ROBO1: variants seen among roughly 807,000 people sequenced by gnomAD.
ROBO1 encodes the protein roundabout homolog 1.
A neutral mutation model predicts 195.9 loss-of-function variants in ROBO1; 149 were observed. The ratio of observed to expected loss-of-function variants is 0.76; its 90% CI spans 0.67 to 0.87. The LOEUF is 0.87. Among genes scored for constraint, ROBO1 ranks in the 40% least tolerant of loss-of-function variants. ROBO1 has a pLI of 0.00. For synonymous variants in ROBO1, 816 were observed against 733.2 expected, an observed-to-expected ratio of 1.11 and a Z score of -1.82; for missense variants, 1,933 against 2,068.3, an observed-to-expected ratio of 0.93 and a Z score of 1.27.
chr3:78,719,945 A>C (rs931869782), intron 5 of ROBO1, among the ~76,000 whole-genome samples: 6 of 152,150 alleles, frequency 3.9e-5, no homozygotes, highest in African/African-American at 1.2e-4. Flanking sequence ...TGTTTCATAA[A>C]GTCATTTTAA....
chr3:78,703,079 C>T lies in ROBO1; in HGVS notation c.1045+11318G>A, dbSNP rs144300341. 8.0e-3 allele frequency among the ~76,000 whole-genome samples: 1,222 copies of T among 152,064 alleles called. 6 individuals are homozygous for T. The highest frequency in any genetic ancestry group is 0.011 in the Non-Finnish European group (748 of 67,956). ...CTGAAAGCAACCCCAAATCTTTTTT[C>T]GTCGATGAAAGAAATCTAAGAGAAT... On this transcript the variant is annotated intron_variant, in intron 8 of 30. Coordinates refer to ENST00000464233, the MANE Select transcript of ROBO1 (RefSeq NM_002941.4).
chr3:78,861,325 T>C (rs1016363774), intron 4 of ROBO1, among the ~76,000 whole-genome samples: 7 of 152,164 alleles, frequency 4.6e-5, no homozygotes, highest in Non-Finnish European at 7.3e-5. Flanking sequence ...TATAACATAA[T>C]TGCCTCTTTC....
chr3:78,769,617 G>GTTTTTTTTT (rs1559836189), intron 4 of ROBO1, among the ~76,000 whole-genome samples: 2 of 72,940 alleles, frequency 2.7e-5, no homozygotes, highest in African/African-American at 9.2e-5. Flanking sequence ...AGTGTACTTT[G>GTTTTTTTTT]GTTTTTTTTT....
intron 4 of ROBO1, among the ~76,000 whole-genome samples, chr3:78,887,860 TCAG>T (rs2036655329): frequency 6.6e-6 from 1 of 152,130 alleles, no homozygotes; most frequent in South Asian, 2.1e-4. Context: ...GAATCCTGCT[TCAG>T]CAGTTGTGGT....
intron 4 of ROBO1, among the ~76,000 whole-genome samples, chr3:78,796,814 G>A (rs559230499): frequency 6.6e-6 from 1 of 152,200 alleles, no homozygotes; most frequent in African/African-American, 2.4e-5. Context: ...TCTGCAACAT[G>A]AGTGTTCTGT....
At chr3:78,942,567 G>A (rs1274877452) in intron 3 of ROBO1, among the ~76,000 whole-genome samples, 2 of 152,086 alleles carry the variant, frequency 1.3e-5, no homozygotes, top group Non-Finnish European at 2.9e-5. Context: ...AGGAAGAAGG[G>A]CAAGGAGATA....
chr3:79,604,681 A>T (rs1440183056), intron 1 of ROBO1, among the ~76,000 whole-genome samples: 4 of 151,992 alleles, frequency 2.6e-5, no homozygotes, highest in Admixed American at 6.6e-5. Context: ...ATTGCTTTCT[A>T]CATTCTTTGT....
rs556240280 is a variant in ROBO1 at position 79,182,586 on chromosome 3, C to T, written c.89-57047G>A. Among the ~76,000 whole-genome samples the T allele has an allele frequency of 2.7e-4, 41 of 150,206 alleles. No individual in the cohort carries two copies. The East Asian group carries it at 6.5e-3, about 24-fold the overall frequency. Reference sequence around the variant, plus strand: ...GTGTGTGTGTGCGTGCGTGCATGCACGCACTGGAGTGGGGATGGGTAGGAG... The same window carrying T: ...GTGTGTGTGTGCGTGCGTGCATGCATGCACTGGAGTGGGGATGGGTAGGAG... On this transcript the variant is annotated intron_variant, in intron 2 of 30. Transcript: ENST00000464233.
At chr3:79,341,468 T>A (rs1411964018) in intron 2 of ROBO1, among the ~76,000 whole-genome samples, 1 of 152,130 alleles carries the variant, frequency 6.6e-6, no homozygotes, top group Non-Finnish European at 1.5e-5. Context: ...CCTATCTTTT[T>A]TCTATTCACT....
chr3:79,004,995 G>A (rs2077588312), intron 3 of ROBO1, among the ~76,000 whole-genome samples: 1 of 152,158 alleles, frequency 6.6e-6, no homozygotes, highest in African/African-American at 2.4e-5. Context: ...TCTTCTAAAG[G>A]CTGCAGTTAT....
At chr3:79,603,911 C>G (rs181262852) in intron 1 of ROBO1, among the ~76,000 whole-genome samples, 54 of 152,028 alleles carry the variant, frequency 3.6e-4, no homozygotes, top group Non-Finnish European at 4.4e-5. Context: ...TAACATAAAA[C>G]AAAACAATGC....
At chr3:78,674,998 A>T (rs984922105) in intron 10 of ROBO1, among the ~76,000 whole-genome samples, 57 of 152,084 alleles carry the variant, frequency 3.7e-4, no homozygotes, top group Non-Finnish European at 7.1e-4. Context: ...GACATTATAA[A>T]AATATTTTAG....
At chr3:78,718,336 TTAAAA>T (rs2081954080) in intron 5 of ROBO1, among the ~76,000 whole-genome samples, 1 of 152,184 alleles carries the variant, frequency 6.6e-6, no homozygotes. Flanking sequence ...TATGAATTAA[TTAAAA>T]TGTCTCTAAT....
intron 4 of ROBO1, among the ~76,000 whole-genome samples, chr3:78,922,986 T>C (rs1484675569): frequency 6.6e-5 from 10 of 152,136 alleles, no homozygotes; most frequent in Admixed American, 3.9e-4. Flanking sequence ...CATTGACTAT[T>C]TAATAAAGAT....
intron 3 of ROBO1, among the ~76,000 whole-genome samples, chr3:79,106,484 C>A (rs2108521898): frequency 6.6e-6 from 1 of 151,654 alleles, no homozygotes; most frequent in African/African-American, 2.4e-5. Flanking sequence ...AGGCTCTGAA[C>A]TATAGAAATA....
intron 2 of ROBO1, among the ~76,000 whole-genome samples, chr3:79,283,849 T>C (rs71324666): frequency 0.048 from 7,183 of 150,906 alleles, 227 homozygotes; most frequent in Non-Finnish European, 0.077. Flanking sequence ...AGGCGCCCGC[T>C]ACCACGCCCG....
At chr3:79,516,296 T>TA (rs1254144731) in intron 2 of ROBO1, among the ~76,000 whole-genome samples, 1 of 152,162 alleles carries the variant, frequency 6.6e-6, no homozygotes, top group East Asian at 1.9e-4. Flanking sequence ...CAAATGCTTT[T>TA]AAAAATATAC....
intron 3 of ROBO1, among the ~76,000 whole-genome samples, chr3:79,067,693 C>T (rs2079026034): frequency 6.6e-6 from 1 of 152,094 alleles, no homozygotes; most frequent in South Asian, 2.1e-4. Context: ...ATTATAATGC[C>T]TGTATTAGTT....
At chr3:79,463,845 A>C (rs959987641) in intron 2 of ROBO1, among the ~76,000 whole-genome samples, 2 of 152,184 alleles carry the variant, frequency 1.3e-5, no homozygotes, top group Non-Finnish European at 2.9e-5. Flanking sequence ...TATTATATTA[A>C]ATAATTGAAC....
Sources: gnomAD v4.1 joint callset for allele counts (sites outside exome capture counted in the v4.1 genomes callset) on GRCh38, gnomAD v4.1.1 for gene constraint, MANE v1.5 for transcripts, NCBI Gene and HGNC (gene_info 2026-07-23, HGNC 2026-07-21) for gene names.